The following UBASH3B variants were observed in gnomAD, a reference collection of about 807,000 sequenced individuals.
UBASH3B encodes the protein ubiquitin-associated and SH3 domain-containing protein B.
In UBASH3B, 37 loss-of-function variants were observed where a neutral mutation model predicts 83.4. The ratio of observed to expected loss-of-function variants is 0.44; its 90% CI spans 0.34 to 0.58. UBASH3B has a LOEUF of 0.58. UBASH3B is among the 20% of genes least tolerant of loss of function. The pLI, the probability that UBASH3B is intolerant of heterozygous loss-of-function variation, is 0.01. For missense variants in UBASH3B, 657 were observed against 827.2 expected (o/e 0.79, Z 2.52); for synonymous variants, 304 against 318.3 (o/e 0.96, Z 0.48).
chr11:122,807,994 T>C, intron 12 of UBASH3B, 73 bp from the exon 13 acceptor site: 1 of 1,165,464 alleles, frequency 8.6e-7, no homozygotes, highest in East Asian at 2.3e-5. Context: ...AGCATTTAGT[T>C]AGCTTCCAGT....
At chr11:122,680,927 C>T (rs867188969) in intron 1 of UBASH3B, among the ~76,000 whole-genome samples, 11 of 152,102 alleles carry the variant, frequency 7.2e-5, no homozygotes, top group Admixed American at 2.0e-4. Flanking sequence ...TCAGAGCTGC[C>T]GTGTCAAAGC....
intron 6 of UBASH3B, among the ~76,000 whole-genome samples, chr11:122,790,521 C>G (rs80147908): frequency 0.032 from 4,828 of 152,292 alleles, 131 homozygotes; most frequent in Admixed American, 0.069. Context: ...CCTACAACAA[C>G]AAGTAAAGCA....
At chr11:122,699,816 T>C (rs1266859191) in intron 1 of UBASH3B, among the ~76,000 whole-genome samples, 1 of 152,158 alleles carries the variant, frequency 6.6e-6, no homozygotes, top group Non-Finnish European at 1.5e-5. Flanking sequence ...ACTCCTGAGC[T>C]CAAGTAATCT....
chr11:122,672,979 C>CA (rs1470808391), intron 1 of UBASH3B, among the ~76,000 whole-genome samples: 1 of 152,136 alleles, frequency 6.6e-6, no homozygotes, highest in Non-Finnish European at 1.5e-5. Flanking sequence ...TATCCATACC[C>CA]CAGGGCTGAG....
At chr11:122,662,801 C>G (rs377669116) in intron 1 of UBASH3B, among the ~76,000 whole-genome samples, 10 of 152,214 alleles carry the variant, frequency 6.6e-5, no homozygotes, top group East Asian at 5.8e-4. Context: ...AGTGCATACC[C>G]TTGTACTTGG....
chr11:122,682,399 C>T (rs976161255), intron 1 of UBASH3B, among the ~76,000 whole-genome samples: 1 of 152,128 alleles, frequency 6.6e-6, no homozygotes, highest in Admixed American at 6.5e-5. Flanking sequence ...GACGCTGAGG[C>T]GTTCACTTGT....
intron 1 of UBASH3B, among the ~76,000 whole-genome samples, chr11:122,771,748 A>AAC (rs58950220): frequency 0.12 from 18,193 of 147,006 alleles, 1,134 homozygotes; most frequent in Non-Finnish European, 0.15. Context: ...GCTGTGTTAA[A>AAC]ACACACACAC....
At chr11:122,749,449 A>G (rs1252752072) in intron 1 of UBASH3B, among the ~76,000 whole-genome samples, 2 of 152,246 alleles carry the variant, frequency 1.3e-5, no homozygotes, top group Non-Finnish European at 2.9e-5. Flanking sequence ...TTACATCTGT[A>G]ATATTAACAA....
At chr11:122,715,553 GAC>G (rs1397293128) in intron 1 of UBASH3B, among the ~76,000 whole-genome samples, 1 of 152,232 alleles carries the variant, frequency 6.6e-6, no homozygotes, top group Non-Finnish European at 1.5e-5. Flanking sequence ...TCACCAAAGA[GAC>G]ACAGCAGAAA....
At chr11:122,808,989 G>T (rs1861390589) in intron 13 of UBASH3B, among the ~76,000 whole-genome samples, 1 of 151,520 alleles carries the variant, frequency 6.6e-6, no homozygotes, top group African/African-American at 2.4e-5. Flanking sequence ...AAAAAAAACG[G>T]GTGAAACAAA....
chr11:122,709,453 A>G (rs1233851120), intron 1 of UBASH3B: 1 of 152,226 alleles, frequency 6.6e-6, no homozygotes, highest in Non-Finnish European at 1.5e-5. Flanking sequence ...CCGCTGTAGA[A>G]GCCAGTCAAA....
chr11:122,713,724 C>A, intron 1 of UBASH3B, among the ~76,000 whole-genome samples: 1 of 142,616 alleles, frequency 7.0e-6, no homozygotes, highest in East Asian at 2.0e-4. Flanking sequence ...CCAGCCTGGG[C>A]GACAAAGCGA....
chr11:122,743,915 C>T (rs1251089250), intron 1 of UBASH3B, among the ~76,000 whole-genome samples: 1 of 152,150 alleles, frequency 6.6e-6, no homozygotes, highest in African/African-American at 2.4e-5. Context: ...ACAGAAAACC[C>T]CTGGCGAGGA....
intron 1 of UBASH3B, among the ~76,000 whole-genome samples, chr11:122,716,779 G>A (rs1004988584): frequency 3.9e-5 from 6 of 152,070 alleles, no homozygotes; most frequent in Admixed American, 3.3e-4. Flanking sequence ...TCAGTTTTCT[G>A]AATCTTGAAC....
intron 1 of UBASH3B, among the ~76,000 whole-genome samples, chr11:122,729,885 G>C (rs1310266657): frequency 6.7e-6 from 1 of 148,182 alleles, no homozygotes; most frequent in East Asian, 2.0e-4. Flanking sequence ...AAGCTGAGCT[G>C]GGAGGATCAG....
rs1861493393 is a variant in UBASH3B at position 122,813,833 on chromosome 11, T to A, written c.*3947T>A. The A allele has an allele frequency of 6.6e-6, 1 of 152,218 alleles. No individual in the cohort carries two copies. The highest frequency in any genetic ancestry group is 6.5e-5 in the Admixed American group (1 of 15,278). 9.4% of individuals were successfully genotyped at this position (152,218 alleles called of 1,614,324 possible). A position where few individuals can be genotyped will look rare whatever the true frequency, so the allele number is the denominator to read the frequency against. On this transcript the variant is annotated 3_prime_UTR_variant, in exon 14 of 14. Coordinates refer to ENST00000284273, the MANE Select transcript of UBASH3B (RefSeq NM_032873.5). The stretch of plus-strand genomic sequence containing the variant: ...AATACTTCAACATATTGAATTTCCC[T>A]AGGAAAGTGACTAGCTATAATGAAA...
chr11:122,752,166 C>T (rs1225365507), intron 1 of UBASH3B, among the ~76,000 whole-genome samples: 3 of 152,146 alleles, frequency 2.0e-5, no homozygotes, highest in African/African-American at 4.8e-5. Context: ...CCCTATCAAT[C>T]TGGCCCCATC....
intron 1 of UBASH3B, among the ~76,000 whole-genome samples, chr11:122,665,546 G>T (rs1863505436): frequency 6.6e-6 from 1 of 152,118 alleles, no homozygotes; most frequent in African/African-American, 2.4e-5. Context: ...TCATGGGTGT[G>T]CTTCTCTGTT....
At chr11:122,718,536 G>T (rs1425013975) in intron 1 of UBASH3B, among the ~76,000 whole-genome samples, 1 of 152,166 alleles carries the variant, frequency 6.6e-6, no homozygotes, top group Non-Finnish European at 1.5e-5. Context: ...GGATATTTAG[G>T]GGGGAAATGG....
Sources: gnomAD v4.1 joint callset for allele counts (sites outside exome capture counted in the v4.1 genomes callset) on GRCh38, gnomAD v4.1.1 for gene constraint, MANE v1.5 for transcripts, NCBI Gene and HGNC (gene_info 2026-07-23, HGNC 2026-07-21) for gene names.